SLC35A5: variants seen among roughly 807,000 people sequenced by gnomAD.
SLC35A5 encodes UDP-sugar transporter protein SLC35A5.
Under a neutral mutation model 36.3 loss-of-function variants are expected in SLC35A5, and 28 were observed. The observed-to-expected ratio is 0.77, with a 90% CI of 0.57 to 1.06. SLC35A5 has a LOEUF of 1.06. SLC35A5 is among the 50% of genes least tolerant of loss of function. The pLI, the probability that SLC35A5 is intolerant of heterozygous loss-of-function variation, is 0.00. For missense variants in SLC35A5, 521 were observed against 499.3 expected, an observed-to-expected ratio of 1.04 and a Z score of -0.41; for synonymous variants, 180 against 173.7, an observed-to-expected ratio of 1.04 and a Z score of -0.29.
intron 4 of SLC35A5, among the ~76,000 whole-genome samples, chr3:112,571,584 A>C (rs925173732): frequency 2.0e-5 from 3 of 152,190 alleles, no homozygotes; most frequent in Admixed American, 2.0e-4. Context: ...AAGACTAGGT[A>C]ATTTATAAAG....
intron 3 of SLC35A5, 27 bp downstream of exon 3, chr3:112,569,296 T>G (rs758245379): frequency 6.4e-7 from 1 of 1,566,932 alleles, no homozygotes; most frequent in Non-Finnish European, 8.8e-7. Flanking sequence ...TACTATATAC[T>G]TGTTAATCAT....
At chr3:112,578,836 ATAAT>A (rs1256114190) in intron 5 of SLC35A5, among the ~76,000 whole-genome samples, 19 of 152,126 alleles carry the variant, frequency 1.2e-4, no homozygotes, top group Admixed American at 4.6e-4. Flanking sequence ...GCGATTTGCA[ATAAT>A]TAATTATGGA....
At position 112,582,985 on chromosome 3, in the gene SLC35A5, A is replaced by G; in HGVS notation, c.*249A>G. 1 of 470,524 alleles carries G rather than the reference A, an allele frequency of 2.1e-6. No homozygotes were observed. The highest frequency in any genetic ancestry group is 3.7e-6 in the Non-Finnish European group (1 of 268,156). 29.1% of individuals were successfully genotyped at this position (470,524 alleles called of 1,614,324 possible). Reference sequence around the variant, plus strand: ...AATATCTCAGTACTTGATAAATCAGAAAGTTATATGTGCAGATTATTTTCC... The same window carrying G: ...AATATCTCAGTACTTGATAAATCAGGAAGTTATATGTGCAGATTATTTTCC... On this transcript the variant is annotated 3_prime_UTR_variant, in exon 7 of 7. Coordinates refer to ENST00000492406, the MANE Select transcript of SLC35A5 (RefSeq NM_017945.5).
Position 112,563,367 on chromosome 3 carries a change from AGTGTTTTTCTCT to A in SLC35A5, c.-19-17_-19-6del. 7.0e-7 allele frequency: 1 copy of A among 1,436,304 alleles called. No individual in the cohort carries two copies. Among genetic ancestry groups the A allele is most frequent in the Non-Finnish European group, 9.3e-7 (1 of 1,075,202 alleles). The allele number at this position is 1,436,304 out of a possible 1,614,324, so 89.0% of individuals were successfully genotyped here. ...GTCTGCCAACAAGGTCGTTCATGAA[AGTGTTTTTCTCT>A]TTAAGGTAATTAAAAAACAGTGGAA... On this transcript the variant is annotated splice_polypyrimidine_tract_variant and splice_region_variant and intron_variant, in intron 1 of 6. Coordinates refer to ENST00000492406, the MANE Select transcript of SLC35A5 (RefSeq NM_017945.5).
intron 4 of SLC35A5, among the ~76,000 whole-genome samples, chr3:112,572,299 G>A (rs1012308429): frequency 6.6e-6 from 1 of 151,832 alleles, no homozygotes; most frequent in Non-Finnish European, 1.5e-5. Context: ...TTAAGTTTCA[G>A]TTACCCCCTC....
Position 112,562,206 on chromosome 3 carries a change from C to G in SLC35A5, c.-87C>G, listed in dbSNP as rs545119239. Reference sequence around the variant, plus strand: ...ACCCTAAAGGCTACTGCTGCTACTACGGGGCTAGACAGTTACTGTCTCAGC... The same window carrying G: ...ACCCTAAAGGCTACTGCTGCTACTAGGGGGCTAGACAGTTACTGTCTCAGC... On this transcript the variant is annotated 5_prime_UTR_variant, in exon 1 of 7. An upstream open reading frame in the 5' UTR gains an earlier in-frame stop. Coordinates refer to ENST00000492406, the MANE Select transcript of SLC35A5 (RefSeq NM_017945.5). 3 of 152,870 alleles carry G rather than the reference C, an allele frequency of 2.0e-5. No homozygotes were observed. The highest frequency in any genetic ancestry group is 2.9e-5 in the Non-Finnish European group (2 of 68,180). 9.5% of individuals were successfully genotyped at this position (152,870 alleles called of 1,614,324 possible). A position where few individuals can be genotyped will look rare whatever the true frequency, so the allele number is the denominator to read the frequency against.
intron 3 of SLC35A5, 27 bp from the exon 4 acceptor site, chr3:112,570,513 G>A (rs779420972): frequency 6.3e-7 from 1 of 1,591,420 alleles, no homozygotes; most frequent in East Asian, 2.3e-5. Flanking sequence ...TCTCATCAAG[G>A]TCATTTACAC....
intron 3 of SLC35A5, among the ~76,000 whole-genome samples, chr3:112,569,738 C>A (rs1934357762): frequency 6.6e-6 from 1 of 152,106 alleles, no homozygotes; most frequent in Non-Finnish European, 1.5e-5. Flanking sequence ...ATACTAATTC[C>A]TTTCTCAAAT....
intron 5 of SLC35A5, among the ~76,000 whole-genome samples, chr3:112,575,521 T>C (rs1445527146): frequency 6.6e-6 from 1 of 152,020 alleles, no homozygotes; most frequent in Non-Finnish European, 1.5e-5. Context: ...AATATTTGCT[T>C]TTAATACTAG....
At chr3:112,577,354 A>C (rs1195184848) in intron 5 of SLC35A5, among the ~76,000 whole-genome samples, 1 of 147,644 alleles carries the variant, frequency 6.8e-6, no homozygotes, top group African/African-American at 2.4e-5. Context: ...TTGTTCTTTG[A>C]AGTATAAGCC....
upstream of SLC35A5, chr3:112,561,761 G>A (rs1933897994): frequency 1.9e-6 from 1 of 526,238 alleles, no homozygotes; most frequent in Non-Finnish European, 3.3e-6. Context: ...AGCCCGCGAC[G>A]GACCGGACCC....
chr3:112,579,050 CAT>C (rs1342408415), intron 5 of SLC35A5, among the ~76,000 whole-genome samples: 7 of 152,138 alleles, frequency 4.6e-5, no homozygotes, highest in African/African-American at 1.7e-4. Context: ...TATGAGAAAG[CAT>C]ATAATAGTGT....
intron 4 of SLC35A5, among the ~76,000 whole-genome samples, chr3:112,571,124 T>G (rs1437123048): frequency 2.6e-5 from 4 of 152,234 alleles, no homozygotes; most frequent in Non-Finnish European, 4.4e-5. Context: ...TGGTTTTCTT[T>G]TCTGTTAGTC....
chr3:112,580,688 T>C lies in SLC35A5; in HGVS notation c.571T>C (p.Ser191Pro). Residue 191 changes from serine to proline, a missense_variant, in exon 6 of 7, where the codon TCC becomes CCC. Coordinates refer to ENST00000492406, the MANE Select transcript of SLC35A5 (RefSeq NM_017945.5). ...HHDAFFSPSNSCLLFRSECPR... is the reference protein window; with the variant it reads ...HHDAFFSPSNPCLLFRSECPR... ...CGATGCCTTTTTCAGCCCTTCCAATTCCTGCCTTCTTTTCAGAAGTGAGTG... is the reference window on the plus strand; with the variant it reads ...CGATGCCTTTTTCAGCCCTTCCAATCCCTGCCTTCTTTTCAGAAGTGAGTG... 1 of 1,614,150 alleles carries C rather than the reference T, an allele frequency of 6.2e-7. No homozygotes were observed. The highest frequency in any genetic ancestry group is 8.5e-7 in the Non-Finnish European group (1 of 1,179,976).
At chr3:112,561,667 G>C, upstream of SLC35A5, 1 of 823,316 alleles carries the variant, frequency 1.2e-6, no homozygotes, top group Non-Finnish European at 1.9e-6. Context: ...GACGGGACGC[G>C]ACGCGACGGG....
chr3:112,576,223 G>T lies in SLC35A5; in HGVS notation c.428+2267G>T, dbSNP rs567888914. Among the ~76,000 whole-genome samples, 80 of 151,390 alleles carry T rather than the reference G, an allele frequency of 5.3e-4. 1 individual carries two copies. Among genetic ancestry groups the T allele is most frequent in the African/African-American group, 1.8e-3 (75 of 41,288 alleles). On this transcript the variant is annotated intron_variant, in intron 5 of 6. Coordinates refer to ENST00000492406, the MANE Select transcript of SLC35A5 (RefSeq NM_017945.5). ...GCTCACTGCAACCTCCGCCTCCTGG[G>T]TTCAAGTGATTCCCCTGCCTCAGCC... is the stretch of plus-strand genomic sequence containing the variant.
At chr3:112,579,342 T>C (rs1213399703) in intron 5 of SLC35A5, among the ~76,000 whole-genome samples, 3 of 152,076 alleles carry the variant, frequency 2.0e-5, no homozygotes, top group Non-Finnish European at 4.4e-5. Flanking sequence ...TCCAATGATA[T>C]AAAAATTCTC....
intron 5 of SLC35A5, among the ~76,000 whole-genome samples, chr3:112,579,063 G>A (rs1559862996): frequency 1.3e-5 from 2 of 152,198 alleles, no homozygotes; most frequent in Non-Finnish European, 2.9e-5. Context: ...ATAATAGTGT[G>A]CACAGGTATG....
chr3:112,581,025 G>C lies in SLC35A5; in HGVS notation c.908G>C (p.Ser303Thr), dbSNP rs1934890441. ...AACTGTGGATTTTTTTATGGCCACA[G>C]TGCATTTTCAGTAGCCCTTATTTTT... ...IKNCGFFYGH[S>T]AFSVALIFVT... is the part of the protein sequence containing the mutation. The change falls in exon 6 of 7, where the codon AGT becomes ACT. Residue 303 changes from serine to threonine, a missense_variant. Physicochemically the swap from Ser to Thr is moderately conservative, Grantham distance 58. Coordinates refer to ENST00000492406, the MANE Select transcript of SLC35A5 (RefSeq NM_017945.5). The C allele has an allele frequency of 3.1e-6, 5 of 1,613,994 alleles. No homozygotes were observed. The highest frequency in any genetic ancestry group is 1.3e-5 in the African/African-American group (1 of 74,926).
Sources: allele counts gnomAD v4.1 joint callset (sites outside exome capture counted in the v4.1 genomes callset), GRCh38; gene constraint gnomAD v4.1.1; transcripts MANE v1.5; gene names NCBI Gene and HGNC (gene_info 2026-07-23, HGNC 2026-07-21).